The following SLA variants were observed in gnomAD, a reference collection of about 807,000 sequenced individuals.
SLA encodes the protein Src like adaptor, also known as src-like-adapter.
In SLA, 16 loss-of-function variants were observed where a neutral mutation model predicts 30.3. The observed-to-expected ratio is 0.53, with a 90% CI of 0.36 to 0.80. SLA has a LOEUF of 0.80. Ranked by LOEUF, SLA falls within the 30% of genes least tolerant of loss-of-function variation. The probability of loss-of-function intolerance (pLI) is 0.01; values close to 1 mark genes in which losing one functional copy is unlikely to be tolerated. For synonymous variants in SLA, 143 were observed against 137.8 expected, an observed-to-expected ratio of 1.04 and a Z score of -0.26; for missense variants, 310 against 345.2, an observed-to-expected ratio of 0.90 and a Z score of 0.81.
At chr8:133,039,951 A>T (rs906994352) in intron 8 of SLA, 47 bp downstream of exon 8, 126 of 1,480,020 alleles carry the variant, frequency 8.5e-5, no homozygotes, top group Non-Finnish European at 1.1e-4. Context: ...GAGCACTTGC[A>T]TGCACACACA....
chr8:133,091,642 C>G (rs1287551460), intron 1 of SLA, among the ~76,000 whole-genome samples: 1 of 151,610 alleles, frequency 6.6e-6, no homozygotes, highest in African/African-American at 2.4e-5. Context: ...GTGTGTGTAT[C>G]TTTGAGTATG....
chr8:133,067,593 T>C (rs146256087), intron 2 of SLA, among the ~76,000 whole-genome samples: 104 of 152,124 alleles, frequency 6.8e-4, no homozygotes, highest in African/African-American at 2.4e-3. Flanking sequence ...CTGGCCAACG[T>C]TGTGAAACCC....
At chr8:133,089,565 G>A (rs1285731684) in intron 1 of SLA, among the ~76,000 whole-genome samples, 1 of 152,008 alleles carries the variant, frequency 6.6e-6, no homozygotes, top group African/African-American at 2.4e-5. Flanking sequence ...ACTTAGTCTG[G>A]GATTTAATGA....
At chr8:133,071,654 G>C (rs1024627383) in intron 2 of SLA, among the ~76,000 whole-genome samples, 12 of 151,962 alleles carry the variant, frequency 7.9e-5, no homozygotes, top group African/African-American at 1.2e-4. Context: ...GGGGAGGAGT[G>C]GGGGGAGGAG....
chr8:133,095,696 A>G (rs1848296901), intron 1 of SLA, among the ~76,000 whole-genome samples: 1 of 152,154 alleles, frequency 6.6e-6, no homozygotes, highest in Non-Finnish European at 1.5e-5. Flanking sequence ...TTGCAGACCA[A>G]ATCTCTGGCT....
At chr8:133,044,386 C>T (rs774153156) in intron 7 of SLA, among the ~76,000 whole-genome samples, 1 of 152,070 alleles carries the variant, frequency 6.6e-6, no homozygotes, top group Non-Finnish European at 1.5e-5. Flanking sequence ...GACCTCTCTC[C>T]TGGGTCTGTG....
At chr8:133,040,352 G>A (rs1837985968) in intron 7 of SLA, 4 of 541,878 alleles carry the variant, frequency 7.4e-6, no homozygotes, top group Admixed American at 6.4e-5. Context: ...ACTTAGCCAG[G>A]CATGGGCAGA....
At chr8:133,090,565 T>A (rs1444477578) in intron 1 of SLA, among the ~76,000 whole-genome samples, 1 of 152,208 alleles carries the variant, frequency 6.6e-6, no homozygotes, top group African/African-American at 2.4e-5. Context: ...TCAGCCTAGG[T>A]TGTAACGAGG....
In SLA at chr8:133,099,467, A is replaced by G. The variant is rs138142625; in HGVS notation, c.-319+3086T>C. On this transcript the variant is annotated intron_variant, in intron 1 of 8. Transcript: ENST00000338087. ...CAGCTCAGTGCCACTGCATGCAATCATCTCCTAAACATGTGTCTGCACACA... is the reference window on the plus strand; with the variant it reads ...CAGCTCAGTGCCACTGCATGCAATCGTCTCCTAAACATGTGTCTGCACACA... Among the ~76,000 whole-genome samples the G allele has an allele frequency of 4.5e-3, 684 of 152,256 alleles. 4 individuals carry two copies. The highest frequency in any genetic ancestry group is 0.016 in the African/African-American group (648 of 41,530).
Position 133,048,511 on chromosome 8 carries a change from G to A in SLA, c.249-578C>T, listed in dbSNP as rs577433498. Reference sequence around the variant, plus strand: ...GCTGGGATTACAGGCGTGAGCTACCGTGCTCAGCCCTGCTCTTCCTATTTG... The same window carrying A: ...GCTGGGATTACAGGCGTGAGCTACCATGCTCAGCCCTGCTCTTCCTATTTG... On this transcript the variant is annotated intron_variant, in intron 5 of 8. Transcript: ENST00000338087. The A allele has an allele frequency of 4.5e-5, 7 of 155,488 alleles. No homozygotes were observed. The South Asian group carries it at 1.1e-3, about 25-fold the overall frequency. 9.6% of individuals were successfully genotyped at this position (155,488 alleles called of 1,614,324 possible).
chr8:133,102,580 G>T lies in SLA; in HGVS notation c.-346C>A. On this transcript the variant is annotated 5_prime_UTR_variant, in exon 1 of 9. Transcript: ENST00000338087. ...GTGGAGCATCAGGGCTGCCTGAGAT[G>T]TTCTCCATTCGCAGCAAATGATCTT... 1.3e-6 allele frequency: 2 copies of T among 1,551,362 alleles called. No individual in the cohort carries two copies. Among genetic ancestry groups the T allele is most frequent in the Non-Finnish European group, 1.7e-6 (2 of 1,146,648 alleles).
chr8:133,039,170 C>T lies in SLA; in HGVS notation c.618-433G>A, dbSNP rs76312759. Among the ~76,000 whole-genome samples, 20 of 152,324 alleles carry T rather than the reference C, an allele frequency of 1.3e-4. No individual in the cohort carries two copies. The East Asian group carries it at 2.1e-3, about 16-fold the overall frequency. On this transcript the variant is annotated intron_variant, in intron 8 of 8. Transcript: ENST00000338087. Reference sequence around the variant, plus strand: ...CTGGGGTTACAGGCGTGAGCCACCGCGCCTGGCCCTAACTTACTATTCTAG... The same window carrying T: ...CTGGGGTTACAGGCGTGAGCCACCGTGCCTGGCCCTAACTTACTATTCTAG...
chr8:133,060,268 G>A, intron 2 of SLA, 68 bp from the exon 3 acceptor site: 9 of 1,605,024 alleles, frequency 5.6e-6, no homozygotes, highest in Non-Finnish European at 7.7e-6. Context: ...GAATGACCCA[G>A]TTTAGAGAGC....
chr8:133,055,540 G>C (rs1841282996), intron 3 of SLA, among the ~76,000 whole-genome samples: 1 of 152,072 alleles, frequency 6.6e-6, no homozygotes, highest in African/African-American at 2.4e-5. Flanking sequence ...CTGTGTTTGA[G>C]ACCCGGTAGC....
At chr8:133,076,796 G>T (rs1485492595) in intron 1 of SLA, 2 of 148,604 alleles carry the variant, frequency 1.3e-5, no homozygotes, top group East Asian at 1.9e-4. Context: ...CAAAAGCCCT[G>T]CCCTTCCCTG....
In SLA at chr8:133,057,704, A is replaced by G. The variant is rs1841696726; in HGVS notation, c.61+2396T>C. On this transcript the variant is annotated intron_variant, in intron 3 of 8. Coordinates refer to ENST00000338087, the MANE Select transcript of SLA (RefSeq NM_001045556.3). ...AAGTCCTGCTTCCTTTTGTAGGTTT[A>G]AGACATTAGTTCCTGAGAAATTGAC... is the stretch of plus-strand genomic sequence containing the variant. Among the ~76,000 whole-genome samples, 4 of 152,098 alleles carry G rather than the reference A, an allele frequency of 2.6e-5. No individual in the cohort carries two copies. In the South Asian group the frequency reaches 8.3e-4, roughly 31 times the overall value.
chr8:133,090,685 G>C (rs1371115299), intron 1 of SLA, among the ~76,000 whole-genome samples: 1 of 152,136 alleles, frequency 6.6e-6, no homozygotes, highest in African/African-American at 2.4e-5. Flanking sequence ...TCCCTCCATT[G>C]TCTCCTTTAA....
At chr8:133,094,063 G>A (rs1383984740) in intron 1 of SLA, among the ~76,000 whole-genome samples, 2 of 152,076 alleles carry the variant, frequency 1.3e-5, no homozygotes, top group Non-Finnish European at 2.9e-5. Context: ...CAGTGTCTGA[G>A]CTACGGGGAG....
Position 133,053,345 on chromosome 8 carries a change from G to T in SLA, c.62-2430C>A, listed in dbSNP as rs555194142. Among the ~76,000 whole-genome samples, 42 of 152,338 alleles carry T rather than the reference G, an allele frequency of 2.8e-4. No homozygotes were observed. In the South Asian group the frequency reaches 6.2e-3, roughly 23 times the overall value. On this transcript the variant is annotated intron_variant, in intron 3 of 8. Transcript: ENST00000338087. ...GGAGGGCAGAATACTGGTGTCTTCT[G>T]TGTCTGTAGCCTGTGCCACACCTGT...
Sources: gnomAD v4.1 joint callset for allele counts (sites outside exome capture counted in the v4.1 genomes callset) on GRCh38, gnomAD v4.1.1 for gene constraint, MANE v1.5 for transcripts, NCBI Gene and HGNC (gene_info 2026-07-23, HGNC 2026-07-21) for gene names.